Variants in SPECC1L observed in about 807,000 individuals in gnomAD.
SPECC1L encodes the protein sperm antigen with calponin homology and coiled-coil domains 1 like.
Under a neutral mutation model 116.8 loss-of-function variants are expected in SPECC1L, and 40 were observed. That is an observed-to-expected ratio of 0.34 (90% CI 0.27 to 0.45). SPECC1L has a LOEUF of 0.45. Among genes scored for constraint, SPECC1L ranks in the 20% least tolerant of loss-of-function variants. The pLI is 1.00. For missense variants in SPECC1L, 1,110 were observed against 1,373.6 expected (o/e 0.81, Z 3.03); for synonymous variants, 504 against 500.6 (o/e 1.01, Z -0.09).
chr22:24,400,124 A>T (rs551939642), intron 14 of SPECC1L, among the ~76,000 whole-genome samples: 25 of 152,338 alleles, frequency 1.6e-4, no homozygotes, highest in African/African-American at 6.0e-4. Flanking sequence ...ATTTTTAAAC[A>T]TACAATTCGG....
Position 24,369,326 on chromosome 22 carries a change from C to A in SPECC1L, c.3087+6C>A. 2 of 1,606,090 alleles carry A rather than the reference C, an allele frequency of 1.2e-6. No homozygotes were observed. The highest frequency in any genetic ancestry group is 8.5e-7 in the Non-Finnish European group (1 of 1,172,682). On this transcript the variant is annotated splice_donor_region_variant and intron_variant, in intron 14 of 16. Transcript: ENST00000314328. The stretch of plus-strand genomic sequence containing the variant: ...AGAAAACAGAAGGCTATCAGGTAAT[C>A]ATATGATTCTTTTGTCCCATGTGAG...
chr22:24,412,582 T>G, intron 15 of SPECC1L, 66 bp from the exon 16 acceptor site: 2 of 1,486,792 alleles, frequency 1.3e-6, no homozygotes, highest in South Asian at 1.1e-5. Context: ...CCCAGGCAGT[T>G]GTGGAGGCCA....
Position 24,393,385 on chromosome 22 carries a change from C to T in SPECC1L, c.3088-18203C>T, listed in dbSNP as rs2042307130. The stretch of plus-strand genomic sequence containing the variant: ...AGGGAAGAATGCTACATGATGTAAG[C>T]CAGGTGTGTTTGCAGCTGCAGGACT... On this transcript the variant is annotated intron_variant, in intron 14 of 16. Coordinates refer to ENST00000314328, the MANE Select transcript of SPECC1L (RefSeq NM_015330.6). Among the ~76,000 whole-genome samples, 3 of 151,802 alleles carry T rather than the reference C, an allele frequency of 2.0e-5. No homozygotes were observed. In the South Asian group the frequency reaches 6.3e-4, roughly 32 times the overall value.
chr22:24,362,289 T>C (rs972292302), intron 11 of SPECC1L, among the ~76,000 whole-genome samples: 3 of 152,138 alleles, frequency 2.0e-5, no homozygotes, highest in African/African-American at 7.2e-5. Flanking sequence ...GATGTTCAAC[T>C]GAGACCTGAA....
At chr22:24,406,133 C>G (rs764596638) in intron 14 of SPECC1L, among the ~76,000 whole-genome samples, 5 of 152,190 alleles carry the variant, frequency 3.3e-5, no homozygotes, top group Non-Finnish European at 4.4e-5. Flanking sequence ...CAGGGGCCAC[C>G]AATCCGCAGG....
In SPECC1L at chr22:24,321,748, A is replaced by G. The variant is rs1027070937; in HGVS notation, c.768A>G (p.Glu256=). The change falls in exon 5 of 17, where the codon GAA becomes GAG. Residue 256 remains glutamate, a synonymous_variant. Coordinates refer to ENST00000314328, the MANE Select transcript of SPECC1L (RefSeq NM_015330.6). ...AACAGAATACTGCCATCCGTGAAGA[A>G]CTCAACCAGCTGAAAAATGAAAACA... The part of the protein sequence containing the change: ...LQEQNTAIRE[E]LNQLKNENRM... 5 of 1,614,090 alleles carry G rather than the reference A, an allele frequency of 3.1e-6. No homozygotes were observed. The highest frequency in any genetic ancestry group is 1.1e-5 in the South Asian group (1 of 91,086).
At chr22:24,307,463 CTT>C (rs749658689) in intron 3 of SPECC1L, among the ~76,000 whole-genome samples, 43 of 152,048 alleles carry the variant, frequency 2.8e-4, no homozygotes, top group African/African-American at 3.6e-4. Context: ...CTTTCGCTCT[CTT>C]CTCTCCCCTC....
chr22:24,410,433 C>T (rs891861890), intron 14 of SPECC1L, among the ~76,000 whole-genome samples: 3 of 152,220 alleles, frequency 2.0e-5, no homozygotes, highest in African/African-American at 4.8e-5. Flanking sequence ...CTGCCCCACT[C>T]CTGTGCCCCA....
intron 2 of SPECC1L, among the ~76,000 whole-genome samples, chr22:24,284,361 C>T (rs994697353): frequency 6.6e-6 from 1 of 152,012 alleles, no homozygotes; most frequent in African/African-American, 2.4e-5. Flanking sequence ...TATGTGAGTT[C>T]CCAAGTATTT....
intron 2 of SPECC1L, among the ~76,000 whole-genome samples, chr22:24,294,645 A>G (rs1300629858): frequency 6.6e-6 from 1 of 152,024 alleles, no homozygotes; most frequent in Admixed American, 6.5e-5. Flanking sequence ...GGCCTCCCAA[A>G]GTGCTGGGAT....
intron 11 of SPECC1L, among the ~76,000 whole-genome samples, chr22:24,353,906 C>T (rs748380114): frequency 1.3e-5 from 2 of 152,180 alleles, no homozygotes; most frequent in Non-Finnish European, 2.9e-5. Flanking sequence ...TAAAGAAATA[C>T]ATTAGGCTGG....
chr22:24,284,913 A>G (rs2049012822), intron 2 of SPECC1L, among the ~76,000 whole-genome samples: 1 of 152,172 alleles, frequency 6.6e-6, no homozygotes, highest in Non-Finnish European at 1.5e-5. Context: ...GAGGGAGTGG[A>G]TGAGAAGAGA....
intron 14 of SPECC1L, among the ~76,000 whole-genome samples, chr22:24,410,949 G>A (rs192825031): frequency 1.3e-5 from 2 of 152,136 alleles, no homozygotes; most frequent in Non-Finnish European, 2.9e-5. Context: ...AGCACTTCGG[G>A]AGGCCAAGGC....
At chr22:24,334,847 A>G (rs1275597008) in intron 9 of SPECC1L, among the ~76,000 whole-genome samples, 4 of 152,198 alleles carry the variant, frequency 2.6e-5, no homozygotes, top group African/African-American at 9.7e-5. Context: ...TGTTACTTTA[A>G]GTATGTTTTC....
chr22:24,373,192 C>T (rs1014531414), intron 14 of SPECC1L, among the ~76,000 whole-genome samples: 14 of 152,084 alleles, frequency 9.2e-5, no homozygotes, highest in African/African-American at 3.4e-4. Context: ...TGAAAATGGC[C>T]ATACTGCCCA....
intron 3 of SPECC1L, among the ~76,000 whole-genome samples, chr22:24,303,877 G>A (rs919418549): frequency 6.8e-6 from 1 of 147,554 alleles, no homozygotes; most frequent in Non-Finnish European, 1.5e-5. Flanking sequence ...GTGTGTGTGT[G>A]TGTGTGTGTA....
rs2048846462 is a variant in SPECC1L at position 24,276,803 on chromosome 22, A to G, written c.-38A>G. 2 of 452,940 alleles carry G rather than the reference A, an allele frequency of 4.4e-6. No homozygotes were observed. The highest frequency in any genetic ancestry group is 8.8e-6 in the Non-Finnish European group (2 of 226,488). 28.1% of individuals were successfully genotyped at this position (452,940 alleles called of 1,614,324 possible). A position where few individuals can be genotyped will look rare whatever the true frequency, so the allele number is the denominator to read the frequency against. On this transcript the variant is annotated splice_region_variant and 5_prime_UTR_variant, in exon 2 of 17. Coordinates refer to ENST00000314328, the MANE Select transcript of SPECC1L (RefSeq NM_015330.6). Reference sequence around the variant, plus strand: ...GGCTACTTTATTCCAGAACAATCACAGTGAGACCTTTTCTCCCAATAAATG... The same window carrying G: ...GGCTACTTTATTCCAGAACAATCACGGTGAGACCTTTTCTCCCAATAAATG...
At chr22:24,389,341 TTG>T (rs2042221842) in intron 14 of SPECC1L, among the ~76,000 whole-genome samples, 1 of 151,990 alleles carries the variant, frequency 6.6e-6, no homozygotes, top group African/African-American at 2.4e-5. Flanking sequence ...GGTCTCAAAC[TTG>T]ACCTCAGGTG....
At chr22:24,390,867 C>CTTTTTTTTTTTTTTTTTTTT (rs1556306072) in intron 14 of SPECC1L, among the ~76,000 whole-genome samples, 10 of 47,620 alleles carry the variant, frequency 2.1e-4, no homozygotes, top group South Asian at 6.5e-4. Context: ...TTTTTTTTTT[C>CTTTTTTTTTTTTTTTTTTTT]TTTTCTTTTT....
Sources: gnomAD v4.1 joint callset for allele counts (sites outside exome capture counted in the v4.1 genomes callset) on GRCh38, gnomAD v4.1.1 for gene constraint, MANE v1.5 for transcripts, NCBI Gene and HGNC (gene_info 2026-07-23, HGNC 2026-07-21) for gene names.